The following GCGR variants were observed in gnomAD, a reference collection of about 807,000 sequenced individuals.
The protein encoded by GCGR is glucagon receptor.
Under a neutral mutation model 56.1 loss-of-function variants are expected in GCGR, and 41 were observed. The observed-to-expected ratio is 0.73, with a 90% CI of 0.57 to 0.95. The LOEUF (loss-of-function observed/expected upper bound fraction) is 0.95, where lower values mean the gene tolerates loss of function less well. Ranked by LOEUF, GCGR falls within the 40% of genes least tolerant of loss-of-function variation. The probability of loss-of-function intolerance (pLI) is 0.00; values close to 1 mark genes in which losing one functional copy is unlikely to be tolerated. For missense variants in GCGR, 595 were observed against 638.2 expected (o/e 0.93, Z 0.73); for synonymous variants, 278 against 271.1 (o/e 1.03, Z -0.25).
rs528390403 is a variant in GCGR, at chr17:81,812,876, G to A, written c.1107G>A (p.Thr369=). 176 of 1,536,070 alleles carry A rather than the reference G, an allele frequency of 1.1e-4. No homozygotes were observed. The highest frequency in any genetic ancestry group is 3.3e-4 in the Middle Eastern group (2 of 5,984). The change falls in exon 12 of 14, where the codon ACG becomes ACA. Residue 369 remains threonine, a synonymous_variant. Transcript: ENST00000400723. The surrounding 1 kb of genome is among the most constrained non-coding windows in gnomAD (Gnocchi z 8.5). The part of the protein sequence containing the change: ...GVHEVVFAFV[T]DEHAQGTLRS... ...ACGAAGTGGTCTTCGCCTTCGTGAC[G>A]GACGAGCACGCCCAGGGCACCCTGC...
rs771281732 is a variant in GCGR at position 81,812,787 on chromosome 17, C to G, written c.1038-20C>G. 9 of 1,535,340 alleles carry G rather than the reference C, an allele frequency of 5.9e-6. No individual in the cohort carries two copies. In the African/African-American group the frequency reaches 1.2e-4, roughly 21 times the overall value. On this transcript the variant is annotated intron_variant, in intron 11 of 13. Transcript: ENST00000400723. This position sits in a 1 kb window ranked among gnomAD's most constrained non-coding sequence, Gnocchi z 8.5. ...GGCCGAGGGTGGGGGCGGTGGGTGACTCAGGCGCTGCCTCTGCAGGCTGGC... is the reference window on the plus strand; with the variant it reads ...GGCCGAGGGTGGGGGCGGTGGGTGAGTCAGGCGCTGCCTCTGCAGGCTGGC...
Position 81,806,760 on chromosome 17 carries a change from G to T in GCGR, c.-177-2082G>T, listed in dbSNP as rs147884606. Among the ~76,000 whole-genome samples the T allele has an allele frequency of 1.3e-5, 2 of 149,098 alleles. No homozygotes were observed. The highest frequency in any genetic ancestry group is 3.0e-5 in the Non-Finnish European group (2 of 67,380). Reference sequence around the variant, plus strand: ...TGCCCAGGGAGCTCCTGGCTGGGTGGTCCTCCCCCCAGGGTGAGCACGCGT... The same window carrying T: ...TGCCCAGGGAGCTCCTGGCTGGGTGTTCCTCCCCCCAGGGTGAGCACGCGT... On this transcript the variant is annotated intron_variant, in intron 1 of 13. Transcript: ENST00000400723. This position sits in a 1 kb window ranked among gnomAD's most constrained non-coding sequence, Gnocchi z 6.5.
Position 81,806,805 on chromosome 17 carries a change from G to A in GCGR, c.-177-2037G>A, listed in dbSNP as rs746089470. The stretch of plus-strand genomic sequence containing the variant: ...ACGCGTCCCCCCCCACCCCCACTTC[G>A]AGGCGCCCAGGCAGGGAACAGCTCA... On this transcript the variant is annotated intron_variant, in intron 1 of 13. Transcript: ENST00000400723. The surrounding 1 kb of genome is among the most constrained non-coding windows in gnomAD (Gnocchi z 6.5). 7.0e-6 allele frequency among the ~76,000 whole-genome samples: 1 copy of A among 143,720 alleles called. No individual in the cohort carries two copies. The highest frequency in any genetic ancestry group is 1.5e-5 in the Non-Finnish European group (1 of 66,008). 94.3% of individuals were successfully genotyped at this position (143,720 alleles called of 152,430 possible).
intron 2 of GCGR, 114 bp downstream of exon 2, chr17:81,809,192 C>T: frequency 7.9e-7 from 1 of 1,263,230 alleles, no homozygotes. Context: ...GTCTGTCTGT[C>T]TGCCCGTCTG....
chr17:81,811,007 C>CA lies in GCGR; in HGVS notation c.272-2dup. 6.5e-7 allele frequency: 1 copy of CA among 1,535,920 alleles called. No individual in the cohort carries two copies. The highest frequency in any genetic ancestry group is 8.7e-7 in the Non-Finnish European group (1 of 1,146,706). Reference sequence around the variant, plus strand: ...TGACCCCAGCCTCCCCCCACACCCCCAGTGCAACACCGCTTCGTGTTCAAG... The same window carrying CA: ...TGACCCCAGCCTCCCCCCACACCCCCAAGTGCAACACCGCTTCGTGTTCAAG... On this transcript the variant is annotated splice_region_variant and splice_polypyrimidine_tract_variant and intron_variant, in intron 4 of 13. Coordinates refer to ENST00000400723, the MANE Select transcript of GCGR (RefSeq NM_000160.5). The surrounding 1 kb of genome is among the most constrained non-coding windows in gnomAD (Gnocchi z 5.8).
At chr17:81,809,175 C>A in intron 2 of GCGR, 97 bp downstream of exon 2, 3 of 1,390,160 alleles carry the variant, frequency 2.2e-6, no homozygotes, top group Admixed American at 2.1e-5. Flanking sequence ...TGCCTGTCTG[C>A]CTGCCTGTCT....
rs1202703638 is a variant in GCGR, at chr17:81,812,581, ACTT to A, written c.958_960del (p.Phe320del). 60 of 1,536,296 alleles carry A rather than the reference ACTT, an allele frequency of 3.9e-5. No individual in the cohort carries two copies. Among genetic ancestry groups the A allele is most frequent in the Non-Finnish European group, 4.8e-5 (55 of 1,146,732 alleles). On this transcript the variant is annotated inframe_deletion, in exon 11 of 14. Transcript: ENST00000400723. This position sits in a 1 kb window ranked among gnomAD's most constrained non-coding sequence, Gnocchi z 8.5. ...ACTCGCACCCTTCTCACACAGATCAACTTCTTCATCTTCGTCCGCATCGTTCAG... is the reference window on the plus strand; with the variant it reads ...ACTCGCACCCTTCTCACACAGATCAACTTCATCTTCGTCCGCATCGTTCAG...
chr17:81,810,725 C>A lies in GCGR; in HGVS notation c.164-100C>A. ...GGCCATGTCCTGGGCGAGGTGACGG[C>A]CGAGCTCAGGCTTCCAGAGAGAGGA... is the stretch of plus-strand genomic sequence containing the variant. On this transcript the variant is annotated intron_variant, in intron 3 of 13. Coordinates refer to ENST00000400723, the MANE Select transcript of GCGR (RefSeq NM_000160.5). The surrounding 1 kb of genome is among the most constrained non-coding windows in gnomAD (Gnocchi z 4.6). 1.7e-6 allele frequency: 2 copies of A among 1,168,564 alleles called. No individual in the cohort carries two copies. The highest frequency in any genetic ancestry group is 1.3e-5 in the South Asian group (1 of 75,738). The allele number at this position is 1,168,564 out of a possible 1,614,324, so 72.4% of individuals were successfully genotyped here.
rs367775051 is a variant in GCGR at position 81,811,728 on chromosome 17, G to A, written c.735G>A (p.Glu245=). Residue 245 remains glutamate (E), a synonymous_variant, in exon 8 of 14, where the codon GAG becomes GAA. Transcript: ENST00000400723. The surrounding 1 kb of genome is among the most constrained non-coding windows in gnomAD (Gnocchi z 5.8). ...IVANYCWLLV[E]GLYLHNLLGL... ...CCAACTACTGCTGGCTGCTGGTGGAGGGCCTGTACCTGCACAACCTGCTGG... is the reference window on the plus strand; with the variant it reads ...CCAACTACTGCTGGCTGCTGGTGGAAGGCCTGTACCTGCACAACCTGCTGG... 137 of 1,544,456 alleles carry A rather than the reference G, an allele frequency of 8.9e-5. No homozygotes were observed. In the African/African-American group the frequency reaches 1.7e-3, roughly 19 times the overall value.
chr17:81,812,832 A>C lies in GCGR; in HGVS notation c.1063A>C (p.Ile355Leu). 1 of 1,535,854 alleles carries C rather than the reference A, an allele frequency of 6.5e-7. No homozygotes were observed. Among genetic ancestry groups the C allele is most frequent in the East Asian group, 2.4e-5 (1 of 40,886 alleles). The change falls in exon 12 of 14, where the codon ATC becomes CTC. Residue 355 changes from isoleucine (I) to leucine (L), a missense_variant. Coordinates refer to ENST00000400723, the MANE Select transcript of GCGR (RefSeq NM_000160.5). This position sits in a 1 kb window ranked among gnomAD's most constrained non-coding sequence, Gnocchi z 8.5. Reference protein sequence around the residue: ...FRLAKSTLTLIPLLGVHEVVF... With the variant: ...FRLAKSTLTLLPLLGVHEVVF... ...GCTGGCCAAGTCCACGCTGACCCTC[A>C]TCCCTCTGCTGGGCGTCCACGAAGT...
Position 81,812,984 on chromosome 17 carries a change from G to T in GCGR, c.1177-32G>T. 6.5e-7 allele frequency: 1 copy of T among 1,536,200 alleles called. No individual in the cohort carries two copies. The highest frequency in any genetic ancestry group is 8.7e-7 in the Non-Finnish European group (1 of 1,146,762). On this transcript the variant is annotated intron_variant, in intron 12 of 13. Coordinates refer to ENST00000400723, the MANE Select transcript of GCGR (RefSeq NM_000160.5). This position sits in a 1 kb window ranked among gnomAD's most constrained non-coding sequence, Gnocchi z 8.5. ...CGCCGGCTCCCCCGCCCGGGGCGCA[G>T]TGTGCCACCCCTGACCACCCTGTCT...
rs1276634785 is a variant in GCGR at position 81,811,976 on chromosome 17, A to G, written c.878+30A>G. ...GTATGAGCGGCTGGACAGCCTGGGG[A>G]GGGACCGGGGGGCTGGGGTGCGGCG... On this transcript the variant is annotated intron_variant, in intron 9 of 13. Coordinates refer to ENST00000400723, the MANE Select transcript of GCGR (RefSeq NM_000160.5). This position sits in a 1 kb window ranked among gnomAD's most constrained non-coding sequence, Gnocchi z 5.8. 2 of 1,517,540 alleles carry G rather than the reference A, an allele frequency of 1.3e-6. No homozygotes were observed. The highest frequency in any genetic ancestry group is 2.0e-5 in the Admixed American group (1 of 50,250). 94.0% of individuals were successfully genotyped at this position (1,517,540 alleles called of 1,614,324 possible). A position where few individuals can be genotyped will look rare whatever the true frequency, so the allele number is the denominator to read the frequency against.
rs543247620 is a variant in GCGR at position 81,810,789 on chromosome 17, C to G, written c.164-36C>G. The G allele has an allele frequency of 1.4e-5, 21 of 1,525,900 alleles. No individual in the cohort carries two copies. In the South Asian group the frequency reaches 2.5e-4, roughly 18 times the overall value. 94.5% of individuals were successfully genotyped at this position (1,525,900 alleles called of 1,614,324 possible). On this transcript the variant is annotated intron_variant, in intron 3 of 13. Coordinates refer to ENST00000400723, the MANE Select transcript of GCGR (RefSeq NM_000160.5). The surrounding 1 kb of genome is among the most constrained non-coding windows in gnomAD (Gnocchi z 4.6). ...AGGGAGCCCCTTCTCCCACCCTGCCCTGCCCTGCTCTGCCCTGCCCTACCC... is the reference window on the plus strand; with the variant it reads ...AGGGAGCCCCTTCTCCCACCCTGCCGTGCCCTGCTCTGCCCTGCCCTACCC...
chr17:81,811,336 T>C lies in GCGR; in HGVS notation c.500+8T>C, dbSNP rs2038092974. 6.5e-7 allele frequency: 1 copy of C among 1,534,672 alleles called. No individual in the cohort carries two copies. The highest frequency in any genetic ancestry group is 1.2e-5 in the South Asian group (1 of 84,036). ...CATCCTGGGGGGCCTCAGGTAGGAT[T>C]CCGCCAGCGCCCGGGGCGGCCGCAG... On this transcript the variant is annotated splice_region_variant and intron_variant, in intron 6 of 13. Coordinates refer to ENST00000400723, the MANE Select transcript of GCGR (RefSeq NM_000160.5). This position sits in a 1 kb window ranked among gnomAD's most constrained non-coding sequence, Gnocchi z 5.8.
At chr17:81,808,794 C>T in intron 1 of GCGR, 48 bp from the exon 2 acceptor site, 2 of 593,906 alleles carry the variant, frequency 3.4e-6, no homozygotes, top group South Asian at 4.1e-5. Context: ...TCTGGGATTA[C>T]AGGCGTGAGC....
chr17:81,809,664 T>C (rs1369468759), intron 2 of GCGR, 118 bp from the exon 3 acceptor site: 5 of 747,312 alleles, frequency 6.7e-6, no homozygotes, highest in Non-Finnish European at 9.1e-6. Flanking sequence ...CCTGTCTGTC[T>C]GCCTGTCTGT....
Position 81,813,476 on chromosome 17 carries a change from G to T in GCGR, c.1221G>T (p.Val407=), listed in dbSNP as rs981079098. ...GCCTGCCCCGTCCCCCTCCCCAGGTGCAGTCGGAGCTGCGGCGGCGTTGGC... is the reference window on the plus strand; with the variant it reads ...GCCTGCCCCGTCCCCCTCCCCAGGTTCAGTCGGAGCTGCGGCGGCGTTGGC... ...AVLYCFLNKE[V]QSELRRRWHR... Residue 407 remains valine, a splice_region_variant and synonymous_variant, in exon 14 of 14, where the codon GTG becomes GTT. Coordinates refer to ENST00000400723, the MANE Select transcript of GCGR (RefSeq NM_000160.5). This position sits in a 1 kb window ranked among gnomAD's most constrained non-coding sequence, Gnocchi z 5.3. 4 of 1,534,728 alleles carry T rather than the reference G, an allele frequency of 2.6e-6. No homozygotes were observed. The African/African-American group carries it at 4.1e-5, about 16-fold the overall frequency.
rs2038160339 is a variant in GCGR at position 81,813,954 on chromosome 17, G to A, written c.*265G>A. On this transcript the variant is annotated 3_prime_UTR_variant, in exon 14 of 14. Transcript: ENST00000400723. This position sits in a 1 kb window ranked among gnomAD's most constrained non-coding sequence, Gnocchi z 5.3. ...GCGTGCCAGTGTCCCCACGTATGTC[G>A]GCACGTCCCATGTGCATGGAAATGT... The A allele has an allele frequency of 3.8e-6, 2 of 530,190 alleles. No homozygotes were observed. Among genetic ancestry groups the A allele is most frequent in the Non-Finnish European group, 6.8e-6 (2 of 295,178 alleles). The allele number at this position is 530,190 out of a possible 1,614,324, so 32.8% of individuals were successfully genotyped here.
Position 81,810,459 on chromosome 17 carries a change from G to A in GCGR, c.164-366G>A, listed in dbSNP as rs2038069410. The A allele has an allele frequency of 7.8e-6, 3 of 383,874 alleles. No homozygotes were observed. The highest frequency in any genetic ancestry group is 2.1e-5 in the African/African-American group (1 of 48,772). The allele number at this position is 383,874 out of a possible 1,614,324, so 23.8% of individuals were successfully genotyped here. A position where few individuals can be genotyped will look rare whatever the true frequency, so the allele number is the denominator to read the frequency against. On this transcript the variant is annotated intron_variant, in intron 3 of 13. Transcript: ENST00000400723. This position sits in a 1 kb window ranked among gnomAD's most constrained non-coding sequence, Gnocchi z 4.6. ...ACCTGGGAAGGATGAAAATGGCATTGGGGTTCAGCCCCCAGAGAGGGAGGT... is the reference window on the plus strand; with the variant it reads ...ACCTGGGAAGGATGAAAATGGCATTAGGGTTCAGCCCCCAGAGAGGGAGGT...
Sources: gnomAD v4.1 joint callset for allele counts (sites outside exome capture counted in the v4.1 genomes callset) on GRCh38, gnomAD v4.1.1 for gene constraint, Gnocchi (gnomAD v3.1) non-coding constraint, MANE v1.5 for transcripts, NCBI Gene and HGNC (gene_info 2026-07-23, HGNC 2026-07-21) for gene names.